The following C8orf34 variants were observed in gnomAD, a reference collection of about 807,000 sequenced individuals.
C8orf34 encodes the protein chromosome 8 open reading frame 34, also known as uncharacterized protein C8orf34.
In C8orf34, 65 loss-of-function variants were observed where a neutral mutation model predicts 68.3. The observed-to-expected ratio is 0.95, with a 90% confidence interval of 0.78 to 1.17. C8orf34 has a LOEUF of 1.17. Ranked by LOEUF, C8orf34 falls within the 50% of genes most tolerant of loss-of-function variation. The pLI is 0.00. For missense variants in C8orf34, 664 were observed against 655.4 expected, an observed-to-expected ratio of 1.01 and a Z score of -0.14; for synonymous variants, 244 against 241.2, an observed-to-expected ratio of 1.01 and a Z score of -0.11.
At chr8:68,442,154 A>G (rs1212586608) in intron 2 of C8orf34, among the ~76,000 whole-genome samples, 1 of 152,110 alleles carries the variant, frequency 6.6e-6, no homozygotes, top group Non-Finnish European at 1.5e-5. Flanking sequence ...TTGTCTATTT[A>G]TTATGTGGTG....
intron 10 of C8orf34, among the ~76,000 whole-genome samples, chr8:68,725,115 C>T (rs1048687657): frequency 1.3e-5 from 2 of 152,130 alleles, no homozygotes; most frequent in African/African-American, 4.8e-5. Flanking sequence ...AATCCTCCTT[C>T]CTCGGCCACC....
At chr8:68,338,038 G>T (rs1805923458) in intron 1 of C8orf34, among the ~76,000 whole-genome samples, 1 of 152,152 alleles carries the variant, frequency 6.6e-6, no homozygotes, top group South Asian at 2.1e-4. Flanking sequence ...TCAATGATGT[G>T]TTTTCTTAGT....
At chr8:68,688,023 A>G (rs1820572779) in intron 8 of C8orf34, among the ~76,000 whole-genome samples, 3 of 152,128 alleles carry the variant, frequency 2.0e-5, no homozygotes, top group Non-Finnish European at 4.4e-5. Flanking sequence ...ACAAACATGA[A>G]AAATGGTCAA....
chr8:68,774,350 A>ATATATATATATATATATATAT (rs1563661802), intron 10 of C8orf34, among the ~76,000 whole-genome samples: 5 of 109,454 alleles, frequency 4.6e-5, no homozygotes, highest in African/African-American at 1.7e-4. Flanking sequence ...TATATATATA[A>ATATATATATATATATATATAT]AATAAACAAA....
At chr8:68,680,923 G>A (rs1400914846) in intron 8 of C8orf34, among the ~76,000 whole-genome samples, 7 of 152,078 alleles carry the variant, frequency 4.6e-5, no homozygotes, top group Admixed American at 2.6e-4. Flanking sequence ...CTCCCAGAGC[G>A]GCCGTGTATA....
intron 1 of C8orf34, among the ~76,000 whole-genome samples, chr8:68,418,520 G>T (rs941390221): frequency 2.0e-5 from 3 of 152,072 alleles, no homozygotes; most frequent in Admixed American, 1.3e-4. Flanking sequence ...GTTGAATTTT[G>T]TCAAAGGCCT....
chr8:68,388,313 G>C (rs1200684752), intron 1 of C8orf34, among the ~76,000 whole-genome samples: 1 of 152,118 alleles, frequency 6.6e-6, no homozygotes, highest in East Asian at 1.9e-4. Context: ...TTTCTGCAGA[G>C]CCCCAGTGGA....
At chr8:68,793,284 G>A (rs532916124) in intron 12 of C8orf34, among the ~76,000 whole-genome samples, 1 of 152,174 alleles carries the variant, frequency 6.6e-6, no homozygotes, top group South Asian at 2.1e-4. Flanking sequence ...CTTCCAAAAG[G>A]CTGAGAGTAA....
intron 1 of C8orf34, among the ~76,000 whole-genome samples, chr8:68,359,961 T>G (rs1325419790): frequency 6.6e-6 from 1 of 152,166 alleles, no homozygotes; most frequent in Non-Finnish European, 1.5e-5. Context: ...ACAAATATTT[T>G]TGAGTGAATA....
chr8:68,447,768 C>A (rs1476767452), intron 3 of C8orf34: 1 of 152,144 alleles, frequency 6.6e-6, no homozygotes, highest in Non-Finnish European at 1.5e-5. Context: ...ACACCAAGTT[C>A]TTGTGAGAAT....
intron 1 of C8orf34, among the ~76,000 whole-genome samples, chr8:68,437,694 C>A (rs1274844685): frequency 6.6e-6 from 1 of 152,042 alleles, no homozygotes; most frequent in Admixed American, 6.6e-5. Flanking sequence ...ATACCTGTGA[C>A]AACTGATTGT....
At chr8:68,509,063 C>A (rs974148761) in intron 5 of C8orf34, among the ~76,000 whole-genome samples, 1 of 152,116 alleles carries the variant, frequency 6.6e-6, no homozygotes, top group Non-Finnish European at 1.5e-5. Flanking sequence ...GACCCCTCTC[C>A]CACCTGGCTT....
intron 8 of C8orf34, among the ~76,000 whole-genome samples, chr8:68,704,569 A>C (rs1337143669): frequency 6.6e-6 from 1 of 152,106 alleles, no homozygotes; most frequent in African/African-American, 2.4e-5. Context: ...TAAAAATGGT[A>C]GTTCTAAAAT....
chr8:68,816,062 T>A (rs1447404066), intron 13 of C8orf34, 117 bp downstream of exon 13: 1 of 1,536,942 alleles, frequency 6.5e-7, no homozygotes, highest in East Asian at 2.3e-5. Context: ...TGAGAATAGG[T>A]TTTTCTCCAA....
intron 3 of C8orf34, among the ~76,000 whole-genome samples, chr8:68,450,888 C>T (rs1811313716): frequency 6.6e-6 from 1 of 152,092 alleles, no homozygotes; most frequent in South Asian, 2.1e-4. Flanking sequence ...GAGAGTCAGC[C>T]TATCCTTTGA....
intron 11 of C8orf34, among the ~76,000 whole-genome samples, chr8:68,782,814 T>A (rs1375624069): frequency 6.6e-6 from 1 of 152,010 alleles, no homozygotes; most frequent in Non-Finnish European, 1.5e-5. Flanking sequence ...TCCCATCACT[T>A]TAGGAGGCAG....
intron 7 of C8orf34, among the ~76,000 whole-genome samples, chr8:68,620,235 A>G (rs1818348131): frequency 6.6e-6 from 1 of 152,164 alleles, no homozygotes; most frequent in Non-Finnish European, 1.5e-5. Flanking sequence ...GACCTGGAGG[A>G]TAACTGGAAA....
chr8:68,535,076 T>A, intron 7 of C8orf34: 1 of 985,316 alleles, frequency 1.0e-6, no homozygotes, highest in Non-Finnish European at 1.2e-6. Flanking sequence ...CTCTTATAGC[T>A]TGGAATGTTA....
intron 8 of C8orf34, among the ~76,000 whole-genome samples, chr8:68,663,927 C>T (rs960491619): frequency 6.6e-6 from 1 of 152,112 alleles, no homozygotes; most frequent in African/African-American, 2.4e-5. Context: ...ACTCAGCCCA[C>T]AAATTGAGAA....
Sources: gnomAD v4.1 joint callset for allele counts (sites outside exome capture counted in the v4.1 genomes callset) on GRCh38, gnomAD v4.1.1 for gene constraint, MANE v1.5 for transcripts, NCBI Gene and HGNC (gene_info 2026-07-23, HGNC 2026-07-21) for gene names.